Variants in MACROD2 observed in about 807,000 individuals in gnomAD.
MACROD2 encodes the protein ADP-ribose glycohydrolase MACROD2.
Under a neutral mutation model 70.4 loss-of-function variants are expected in MACROD2, and 36 were observed. The ratio of observed to expected loss-of-function variants is 0.51; its 90% CI spans 0.39 to 0.68. MACROD2 has a LOEUF of 0.68. Among genes scored for constraint, MACROD2 ranks in the 30% least tolerant of loss-of-function variants. The pLI is 0.00. For missense variants in MACROD2, 496 were observed against 538.4 expected, an observed-to-expected ratio of 0.92 and a Z score of 0.78; for synonymous variants, 172 against 178.8, an observed-to-expected ratio of 0.96 and a Z score of 0.30.
At chr20:15,987,188 G>A (rs1568689062) in intron 15 of MACROD2, 30 bp downstream of exon 15, 2 of 1,523,326 alleles carry the variant, frequency 1.3e-6, no homozygotes, top group Non-Finnish European at 1.8e-6. Context: ...AACCCATCAA[G>A]AATGGAGAGT....
At chr20:15,769,573 T>C (rs544674419) in intron 8 of MACROD2, among the ~76,000 whole-genome samples, 43 of 152,326 alleles carry the variant, frequency 2.8e-4, no homozygotes, top group African/African-American at 1.0e-3. Context: ...TGTGCAATGA[T>C]AATAGTGCAC....
chr20:15,033,314 G>A (rs1311726927), intron 5 of MACROD2, among the ~76,000 whole-genome samples: 1 of 152,008 alleles, frequency 6.6e-6, no homozygotes, highest in Non-Finnish European at 1.5e-5. Flanking sequence ...CCAACGATGG[G>A]GAATGAAAAA....
At chr20:15,279,843 T>A (rs1370643515) in intron 6 of MACROD2, among the ~76,000 whole-genome samples, 1 of 152,136 alleles carries the variant, frequency 6.6e-6, no homozygotes, top group African/African-American at 2.4e-5. Context: ...TGCAAAAAAA[T>A]TGACAAATTC....
intron 15 of MACROD2, among the ~76,000 whole-genome samples, chr20:15,998,007 T>A (rs1201418757): frequency 6.6e-6 from 1 of 152,258 alleles, no homozygotes. Context: ...ATTTATTGAT[T>A]TCCATATGTT....
At chr20:15,798,841 C>T (rs933433889) in intron 8 of MACROD2, among the ~76,000 whole-genome samples, 8 of 152,162 alleles carry the variant, frequency 5.3e-5, no homozygotes, top group African/African-American at 1.7e-4. Flanking sequence ...TAAGTTTTAC[C>T]TGGCCAATAC....
intron 6 of MACROD2, among the ~76,000 whole-genome samples, chr20:15,368,992 A>T (rs947878670): frequency 1.3e-5 from 2 of 152,308 alleles, no homozygotes; most frequent in Non-Finnish European, 2.9e-5. Context: ...TTTGTCATGC[A>T]TATCTTAGTA....
At chr20:15,659,072 G>T (rs963293219) in intron 8 of MACROD2, among the ~76,000 whole-genome samples, 1 of 152,076 alleles carries the variant, frequency 6.6e-6, no homozygotes, top group Non-Finnish European at 1.5e-5. Flanking sequence ...GGTTTTGGGA[G>T]GATGGAATAT....
At chr20:14,301,232 A>G (rs939284848) in intron 3 of MACROD2, among the ~76,000 whole-genome samples, 1 of 152,192 alleles carries the variant, frequency 6.6e-6, no homozygotes, top group Non-Finnish European at 1.5e-5. Flanking sequence ...CCTCTTCTTG[A>G]GTTGAAGAAA....
intron 3 of MACROD2, among the ~76,000 whole-genome samples, chr20:14,268,060 A>G (rs562113622): frequency 6.6e-6 from 1 of 152,262 alleles, no homozygotes; most frequent in South Asian, 2.1e-4. Flanking sequence ...AATAGAAAGA[A>G]TATTATAATG....
intron 3 of MACROD2, among the ~76,000 whole-genome samples, chr20:14,274,806 A>G (rs2082234407): frequency 1.3e-5 from 2 of 151,530 alleles, no homozygotes; most frequent in South Asian, 4.2e-4. Flanking sequence ...AAGTCTCAGG[A>G]TACAAAATCA....
At chr20:14,710,300 A>G (rs911671744) in intron 5 of MACROD2, among the ~76,000 whole-genome samples, 4 of 152,236 alleles carry the variant, frequency 2.6e-5, no homozygotes, top group Non-Finnish European at 4.4e-5. Flanking sequence ...ATATGAAGGC[A>G]TACTCCCATT....
chr20:15,278,654 A>C (rs1398969113), intron 6 of MACROD2, among the ~76,000 whole-genome samples: 1 of 152,210 alleles, frequency 6.6e-6, no homozygotes, highest in Non-Finnish European at 1.5e-5. Flanking sequence ...TGGCATCATG[A>C]TTATGTGTTA....
intron 3 of MACROD2, among the ~76,000 whole-genome samples, chr20:14,234,281 C>A (rs6033907): frequency 0.97 from 147,581 of 152,294 alleles, 71,524 homozygotes; most frequent in Admixed American, 0.99. Context: ...ACCATGTATT[C>A]TATTGATTGT....
chr20:14,678,318 GTGTT>G (rs1217544172), intron 4 of MACROD2, among the ~76,000 whole-genome samples: 1 of 152,156 alleles, frequency 6.6e-6, no homozygotes, highest in Non-Finnish European at 1.5e-5. Context: ...AATTACAAGA[GTGTT>G]TGGGAAGTAC....
chr20:15,548,807 A>G (rs1462483434), intron 8 of MACROD2, among the ~76,000 whole-genome samples: 3 of 152,190 alleles, frequency 2.0e-5, no homozygotes, highest in African/African-American at 7.2e-5. Context: ...CCTTGGGGGA[A>G]GTCAGCCACC....
chr20:15,256,912 A>T (rs2077204261), intron 6 of MACROD2, among the ~76,000 whole-genome samples: 1 of 151,994 alleles, frequency 6.6e-6, no homozygotes, highest in African/African-American at 2.4e-5. Context: ...CTGGCCCAGA[A>T]AAAGAGCCTA....
chr20:14,337,510 CA>C (rs2082960066), intron 3 of MACROD2: 6 of 398,644 alleles, frequency 1.5e-5, no homozygotes, highest in African/African-American at 2.1e-5. Context: ...GCTCTGCGTC[CA>C]GTCCACACAA....
chr20:14,075,697 C>T (rs2148663459), intron 2 of MACROD2, among the ~76,000 whole-genome samples: 1 of 152,132 alleles, frequency 6.6e-6, no homozygotes, highest in East Asian at 1.9e-4. Context: ...TCCATATCTG[C>T]CAGACTTTTT....
At chr20:15,840,392 C>T (rs2064157580) in intron 8 of MACROD2, among the ~76,000 whole-genome samples, 1 of 152,166 alleles carries the variant, frequency 6.6e-6, no homozygotes, top group African/African-American at 2.4e-5. Context: ...GGTTGGTTGA[C>T]TCCAAATTTT....
Sources: gnomAD v4.1 joint callset for allele counts (sites outside exome capture counted in the v4.1 genomes callset) on GRCh38, gnomAD v4.1.1 for gene constraint, MANE v1.5 for transcripts, NCBI Gene and HGNC (gene_info 2026-07-23, HGNC 2026-07-21) for gene names.